The following TRIP12 variants were observed in gnomAD, a reference collection of about 807,000 sequenced individuals.
TRIP12 encodes E3 ubiquitin-protein ligase TRIP12.
TRIP12 carries 25 observed loss-of-function variants against 244.2 expected under a neutral mutation model. The ratio of observed to expected loss-of-function variants is 0.10; its 90% CI spans 0.07 to 0.14. The LOEUF (loss-of-function observed/expected upper bound fraction) is 0.14. Ranked by LOEUF, TRIP12 falls within the 10% of genes least tolerant of loss-of-function variation. The probability of loss-of-function intolerance (pLI) is 1.00; values close to 1 mark genes in which losing one functional copy is unlikely to be tolerated. For synonymous variants in TRIP12, 905 were observed against 873.1 expected (o/e 1.04, Z -0.64); for missense variants, 1,677 against 2,486.4 (o/e 0.67, Z 6.92).
At chr2:229,887,018 G>A (rs1295131850) in intron 1 of TRIP12, among the ~76,000 whole-genome samples, 2 of 152,096 alleles carry the variant, frequency 1.3e-5, no homozygotes, top group African/African-American at 2.4e-5. Flanking sequence ...GCTAATAGGG[G>A]ACGGGCTCAG....
At chr2:229,902,613 C>T (rs1576954087) in intron 1 of TRIP12, among the ~76,000 whole-genome samples, 1 of 152,304 alleles carries the variant, frequency 6.6e-6, no homozygotes, top group East Asian at 1.9e-4. Flanking sequence ...TACCAGCTTT[C>T]ACAGTTTGAG....
chr2:229,785,680 A>G, intron 34 of TRIP12, 77 bp downstream of exon 34: 2 of 1,316,002 alleles, frequency 1.5e-6, no homozygotes, highest in Admixed American at 2.1e-5. Flanking sequence ...AGAATTTCAT[A>G]GTACCAAGAA....
Position 229,792,012 on chromosome 2 carries a change from A to G in TRIP12, c.4269T>C (p.Ile1423=), listed in dbSNP as rs776762725. Residue 1423 remains isoleucine, a synonymous_variant, in exon 29 of 42, where the codon ATT becomes ATC. Transcript: ENST00000675903. ...GNVRHRLQFY[I]GEHLLPYNMT... ...TGTTATACGGCAGCAAATGTTCTCC[A>G]ATATAAAACTGCAGCCTGTGTCTTA... 3 of 1,614,184 alleles carry G rather than the reference A, an allele frequency of 1.9e-6. No individual in the cohort carries two copies. The highest frequency in any genetic ancestry group is 2.5e-6 in the Non-Finnish European group (3 of 1,180,006).
rs11373804 is a variant in TRIP12, at chr2:229,840,800, T to TA, written c.1133+21dup. On this transcript the variant is annotated intron_variant, in intron 5 of 41. Coordinates refer to ENST00000675903, the MANE Select transcript of TRIP12 (RefSeq NM_001348323.3). ...CAACAGAATAAAAATGAACTCACTA[T>TA]AAAAAAAAAAAAACAAATTACCTGG... The TA allele has an allele frequency of 0.11, 135,194 of 1,235,388 alleles. 938 individuals are homozygous for TA. Among genetic ancestry groups the TA allele is most frequent in the African/African-American group, 0.26 (16,163 of 62,886 alleles). The allele number at this position is 1,235,388 out of a possible 1,614,324, so 76.5% of individuals were successfully genotyped here. A position where few individuals can be genotyped will look rare whatever the true frequency, so the allele number is the denominator to read the frequency against.
intron 1 of TRIP12, among the ~76,000 whole-genome samples, chr2:229,895,792 G>C (rs566390826): frequency 1.6e-4 from 23 of 142,038 alleles, no homozygotes; most frequent in Admixed American, 5.6e-4. Flanking sequence ...CCACAGATGC[G>C]AGGGACCTAA....
At chr2:229,905,760 A>G (rs2072561681) in intron 1 of TRIP12, among the ~76,000 whole-genome samples, 1 of 152,146 alleles carries the variant, frequency 6.6e-6, no homozygotes, top group African/African-American at 2.4e-5. Context: ...GGTGTAGCTC[A>G]CAGTGCCTAA....
chr2:229,778,848 A>G lies in TRIP12; in HGVS notation c.5209+28T>C. 1 of 1,601,108 alleles carries G rather than the reference A, an allele frequency of 6.2e-7. No individual in the cohort carries two copies. On this transcript the variant is annotated intron_variant, in intron 35 of 41. Coordinates refer to ENST00000675903, the MANE Select transcript of TRIP12 (RefSeq NM_001348323.3). This position sits in a 1 kb window ranked among gnomAD's most constrained non-coding sequence, Gnocchi z 4.1. ...TCCATTACCTGATCTGAGTAACACA[A>G]ACCAACTAACTTACAGATAGGCATT...
chr2:229,782,871 G>A (rs563682121), intron 34 of TRIP12, among the ~76,000 whole-genome samples: 60 of 152,096 alleles, frequency 3.9e-4, no homozygotes, highest in Non-Finnish European at 7.1e-4. Flanking sequence ...AGAAAGCTGA[G>A]GGGCAGAACC....
chr2:229,810,849 G>A (rs1334041893), intron 15 of TRIP12, 31 bp downstream of exon 15: 1 of 1,606,760 alleles, frequency 6.2e-7, no homozygotes, highest in Non-Finnish European at 8.5e-7. Flanking sequence ...AACTTTTCCT[G>A]CTTAAAGTAG....
intron 8 of TRIP12, among the ~76,000 whole-genome samples, chr2:229,825,356 T>C (rs1301982755): frequency 6.6e-6 from 1 of 152,156 alleles, no homozygotes; most frequent in East Asian, 1.9e-4. Flanking sequence ...CAGACTGTGG[T>C]CTCCAAATAC....
In TRIP12 at chr2:229,792,578, G is replaced by A. The variant is rs547019747; in HGVS notation, c.4142-352C>T. On this transcript the variant is annotated intron_variant, in intron 27 of 41. Coordinates refer to ENST00000675903, the MANE Select transcript of TRIP12 (RefSeq NM_001348323.3). ...TCAGAAAGCAAAGTTGTCAGGTGTG[G>A]AGTCTTCCACTTGCGATGTTCACGG... is the stretch of plus-strand genomic sequence containing the variant. Among the ~76,000 whole-genome samples the A allele has an allele frequency of 2.6e-5, 4 of 152,274 alleles. No homozygotes were observed. In the South Asian group the frequency reaches 6.2e-4, roughly 24 times the overall value.
intron 1 of TRIP12, among the ~76,000 whole-genome samples, chr2:229,917,592 C>G (rs2075731026): frequency 6.6e-6 from 1 of 151,960 alleles, no homozygotes; most frequent in Non-Finnish European, 1.5e-5. Flanking sequence ...TGGCTTAACA[C>G]TAAAACATGG....
Position 229,799,020 on chromosome 2 carries a change from T to C in TRIP12, c.3337A>G (p.Lys1113Glu), listed in dbSNP as rs1377571973. ...AKSPTTTQSP[K>E]SSFLASLNPK... ...TTCAAGCTTGCCAGGAAAGAAGATT[T>C]AGGTGACTGAGTAGTGGTGGGGCTT... is the stretch of plus-strand genomic sequence containing the variant. The change falls in exon 23 of 42, where the codon AAA (lysine) becomes GAA (glutamate). Residue 1113 changes from lysine to glutamate, a missense_variant. Physicochemically the swap from Lys to Glu is moderately conservative, Grantham distance 56. Coordinates refer to ENST00000675903, the MANE Select transcript of TRIP12 (RefSeq NM_001348323.3). 2.5e-6 allele frequency: 4 copies of C among 1,614,150 alleles called. No homozygotes were observed. Among genetic ancestry groups the C allele is most frequent in the Non-Finnish European group, 3.4e-6 (4 of 1,180,026 alleles).
rs575146641 is a variant in TRIP12 at position 229,843,845 on chromosome 2, G to C, written c.1028-2918C>G. 3.3e-5 allele frequency among the ~76,000 whole-genome samples: 5 copies of C among 152,022 alleles called. 1 individual carries two copies. In the South Asian group the frequency reaches 1.0e-3, roughly 32 times the overall value. On this transcript the variant is annotated intron_variant, in intron 4 of 41. Coordinates refer to ENST00000675903, the MANE Select transcript of TRIP12 (RefSeq NM_001348323.3). ...GTCCAAGGCCATAGATTACACTACT[G>C]CACTCCAGCCTGGATGACAGAGCAA...
intron 4 of TRIP12, among the ~76,000 whole-genome samples, chr2:229,842,166 C>G (rs1486088664): frequency 6.6e-5 from 10 of 152,148 alleles, no homozygotes; most frequent in African/African-American, 2.2e-4. Context: ...ACAGGTGAAG[C>G]TGACATAAAA....
intron 26 of TRIP12, 157 bp downstream of exon 26, chr2:229,795,021 CA>C: frequency 1.4e-6 from 1 of 715,298 alleles, no homozygotes; most frequent in Non-Finnish European, 2.2e-6. Flanking sequence ...GATAAGAAAG[CA>C]TTTGATTCAT....
chr2:229,812,180 T>A (rs975966875), intron 13 of TRIP12, among the ~76,000 whole-genome samples: 8 of 152,116 alleles, frequency 5.3e-5, no homozygotes, highest in African/African-American at 1.9e-4. Flanking sequence ...AACCTCTGCC[T>A]CCCGAGATCA....
chr2:229,768,613 C>T lies in TRIP12; in HGVS notation c.6007+3G>A. ...AAATGCTAAACATCAACATCGTACC[C>T]ACCTCCAACAGGCAATCTTGGGCTA... On this transcript the variant is annotated splice_donor_region_variant and intron_variant, in intron 41 of 41. Transcript: ENST00000675903. 2 of 1,611,876 alleles carry T rather than the reference C, an allele frequency of 1.2e-6. No individual in the cohort carries two copies. Among genetic ancestry groups the T allele is most frequent in the South Asian group, 1.1e-5 (1 of 90,632 alleles).
intron 34 of TRIP12, among the ~76,000 whole-genome samples, chr2:229,784,553 A>G (rs1443277467): frequency 6.6e-6 from 1 of 151,756 alleles, no homozygotes; most frequent in East Asian, 1.9e-4. Context: ...TCAAAACTGA[A>G]AATTTCTGCT....
Sources: gnomAD v4.1 joint callset for allele counts (sites outside exome capture counted in the v4.1 genomes callset) on GRCh38, gnomAD v4.1.1 for gene constraint, Gnocchi (gnomAD v3.1) non-coding constraint, MANE v1.5 for transcripts, NCBI Gene and HGNC (gene_info 2026-07-23, HGNC 2026-07-21) for gene names.